The following PLCB1 variants were observed in gnomAD, a reference collection of about 807,000 sequenced individuals.
PLCB1 encodes the protein phospholipase C beta 1.
Under a neutral mutation model 161.8 loss-of-function variants are expected in PLCB1, and 46 were observed. The observed-to-expected ratio is 0.28, with a 90% CI of 0.22 to 0.36. PLCB1 has a LOEUF of 0.36. PLCB1 is among the 10% of genes least tolerant of loss of function. The pLI, the probability that PLCB1 is intolerant of heterozygous loss-of-function variation, is 1.00. For missense variants in PLCB1, 1,016 were observed against 1,472.5 expected (o/e 0.69, Z 5.07); for synonymous variants, 517 against 503.7 (o/e 1.03, Z -0.35).
intron 3 of PLCB1, among the ~76,000 whole-genome samples, chr20:8,442,173 TA>T (rs1440540210): frequency 6.6e-6 from 1 of 152,248 alleles, no homozygotes; most frequent in Non-Finnish European, 1.5e-5. Flanking sequence ...CTTAAATACT[TA>T]ATTTTTACTT....
chr20:8,152,213 T>C (rs901845038), intron 2 of PLCB1, among the ~76,000 whole-genome samples: 3 of 152,158 alleles, frequency 2.0e-5, no homozygotes, highest in African/African-American at 7.2e-5. Context: ...GCCAAAGTCA[T>C]CTCTCAGTCA....
chr20:8,657,306 C>T (rs758439207), intron 8 of PLCB1, 22 bp downstream of exon 8: 7 of 1,412,408 alleles, frequency 5.0e-6, no homozygotes, highest in African/African-American at 2.8e-5. Context: ...CATTTTAAGC[C>T]ATATCTTTTT....
At chr20:8,585,146 G>C (rs1986950967) in intron 3 of PLCB1, among the ~76,000 whole-genome samples, 1 of 152,118 alleles carries the variant, frequency 6.6e-6, no homozygotes, top group African/African-American at 2.4e-5. Context: ...GCTTACTTTT[G>C]GGGGGCAAAA....
At chr20:8,246,029 C>T (rs762015389) in intron 2 of PLCB1, among the ~76,000 whole-genome samples, 3 of 151,890 alleles carry the variant, frequency 2.0e-5, no homozygotes, top group Admixed American at 6.6e-5. Flanking sequence ...ATGATGTTCA[C>T]CGTACCTTTT....
chr20:8,793,010 G>A (rs1431852234), intron 31 of PLCB1, among the ~76,000 whole-genome samples: 1 of 152,220 alleles, frequency 6.6e-6, no homozygotes, highest in African/African-American at 2.4e-5. Context: ...GGAAAATACA[G>A]TAACACTGGC....
intron 3 of PLCB1, among the ~76,000 whole-genome samples, chr20:8,470,702 A>C (rs948321524): frequency 6.6e-6 from 1 of 152,106 alleles, no homozygotes; most frequent in Non-Finnish European, 1.5e-5. Context: ...CAAACTCTTT[A>C]GTTTTTTAGA....
At chr20:8,504,194 A>G (rs147398479) in intron 3 of PLCB1, among the ~76,000 whole-genome samples, 1 of 152,244 alleles carries the variant, frequency 6.6e-6, no homozygotes, top group Non-Finnish European at 1.5e-5. Context: ...CCTCCACTCT[A>G]AGGCCCAGTG....
At chr20:8,831,927 T>C (rs919217087) in intron 31 of PLCB1, among the ~76,000 whole-genome samples, 4 of 71,200 alleles carry the variant, frequency 5.6e-5, no homozygotes, top group Admixed American at 4.4e-4. Flanking sequence ...TCTTTCTTTC[T>C]TTCTTTCTTT....
intron 23 of PLCB1, among the ~76,000 whole-genome samples, chr20:8,743,234 G>T (rs1980973836): frequency 6.6e-6 from 1 of 152,130 alleles, no homozygotes; most frequent in Admixed American, 6.5e-5. Flanking sequence ...CTATACCCAG[G>T]TGGGGTTTTT....
chr20:8,575,781 C>T (rs1986657626), intron 3 of PLCB1, among the ~76,000 whole-genome samples: 1 of 152,214 alleles, frequency 6.6e-6, no homozygotes, highest in Non-Finnish European at 1.5e-5. Flanking sequence ...GGATTAACAT[C>T]ACGTAAGAGT....
At chr20:8,415,102 G>A (rs1482565980) in intron 3 of PLCB1, among the ~76,000 whole-genome samples, 1 of 152,186 alleles carries the variant, frequency 6.6e-6, no homozygotes, top group Non-Finnish European at 1.5e-5. Flanking sequence ...CCACAGAGGA[G>A]TCCTTGATGC....
At chr20:8,153,418 G>A (rs1396913586) in intron 2 of PLCB1, among the ~76,000 whole-genome samples, 2 of 152,060 alleles carry the variant, frequency 1.3e-5, no homozygotes, top group African/African-American at 4.8e-5. Context: ...TGTAAGTCAT[G>A]GGTGAGAAGG....
intron 31 of PLCB1, chr20:8,792,451 G>T: frequency 2.3e-6 from 1 of 434,702 alleles, no homozygotes; most frequent in Non-Finnish European, 4.7e-6. Flanking sequence ...TGGGTAGACA[G>T]GTTACATACA....
intron 3 of PLCB1, among the ~76,000 whole-genome samples, chr20:8,614,685 T>C (rs1264257267): frequency 1.3e-5 from 2 of 151,866 alleles, no homozygotes; most frequent in Non-Finnish European, 1.5e-5. Flanking sequence ...TGGCCTCATG[T>C]TGCTACTTAA....
chr20:8,627,837 T>C (rs1219171827), intron 3 of PLCB1, among the ~76,000 whole-genome samples: 2 of 152,234 alleles, frequency 1.3e-5, no homozygotes, highest in African/African-American at 2.4e-5. Context: ...GTACTGACTG[T>C]TGGAGCAGGT....
At chr20:8,465,410 ATT>A (rs2122698644) in intron 3 of PLCB1, among the ~76,000 whole-genome samples, 1 of 152,148 alleles carries the variant, frequency 6.6e-6, no homozygotes, top group Non-Finnish European at 1.5e-5. Context: ...TCATCAGGCA[ATT>A]TCCCTTCTTG....
chr20:8,518,862 T>C (rs1018635052), intron 3 of PLCB1, among the ~76,000 whole-genome samples: 1 of 151,662 alleles, frequency 6.6e-6, no homozygotes, highest in Non-Finnish European at 1.5e-5. Flanking sequence ...CTGGGGGTGA[T>C]GGAAGACAGT....
At chr20:8,204,396 C>T (rs1339707125) in intron 2 of PLCB1, among the ~76,000 whole-genome samples, 1 of 152,086 alleles carries the variant, frequency 6.6e-6, no homozygotes, top group Non-Finnish European at 1.5e-5. Flanking sequence ...GAATTGTTTA[C>T]TGAACTCAGG....
chr20:8,370,538 G>A (rs146420671), intron 2 of PLCB1, among the ~76,000 whole-genome samples: 10 of 152,028 alleles, frequency 6.6e-5, no homozygotes, highest in Admixed American at 6.6e-4. Context: ...ACACCTCAAG[G>A]TTCAGCCAAA....
Sources: allele counts gnomAD v4.1 joint callset (sites outside exome capture counted in the v4.1 genomes callset), GRCh38; gene constraint gnomAD v4.1.1; transcripts MANE v1.5; gene names NCBI Gene and HGNC (gene_info 2026-07-23, HGNC 2026-07-21).